ZBTB16: variants seen among roughly 807,000 people sequenced by gnomAD.
The protein encoded by ZBTB16 is zinc finger and BTB domain containing 16.
ZBTB16 carries 8 observed loss-of-function variants against 56.8 expected under a neutral mutation model. That is an observed-to-expected ratio of 0.14 (90% CI 0.08 to 0.25). The LOEUF is 0.25. ZBTB16 is among the 10% of genes least tolerant of loss of function. The probability of loss-of-function intolerance (pLI) is 1.00; values close to 1 mark genes in which losing one functional copy is unlikely to be tolerated. For synonymous variants in ZBTB16, 363 were observed against 368.5 expected, an observed-to-expected ratio of 0.98 and a Z score of 0.17; for missense variants, 625 against 903.0, an observed-to-expected ratio of 0.69 and a Z score of 3.95.
In ZBTB16 at chr11:114,242,738, C is replaced by T. The variant is rs28507359; in HGVS notation, c.1624+401C>T. ...TGCTGGGTCTCTTAACATTGTCTGC[C>T]CTGCCTCCCACCACTCTTGATGCCC... On this transcript the variant is annotated intron_variant, in intron 5 of 6. Coordinates refer to ENST00000335953, the MANE Select transcript of ZBTB16 (RefSeq NM_006006.6). 9.1e-3 allele frequency among the ~76,000 whole-genome samples: 1,385 copies of T among 152,176 alleles called. 14 individuals carry two copies. Among genetic ancestry groups the T allele is most frequent in the African/African-American group, 0.032 (1,309 of 41,510 alleles).
intron 2 of ZBTB16, among the ~76,000 whole-genome samples, chr11:114,090,865 G>A (rs908625529): frequency 6.6e-6 from 1 of 152,108 alleles, no homozygotes; most frequent in Non-Finnish European, 1.5e-5. Flanking sequence ...GTCTTTGTGG[G>A]AAATTTTAAG....
At chr11:114,168,025 C>T (rs1454557475) in intron 3 of ZBTB16, among the ~76,000 whole-genome samples, 4 of 152,224 alleles carry the variant, frequency 2.6e-5, no homozygotes, top group African/African-American at 7.2e-5. Context: ...TATCTATCCC[C>T]TCTTATGGCA....
At chr11:114,151,034 T>A (rs1003883867) in intron 2 of ZBTB16, among the ~76,000 whole-genome samples, 1 of 152,108 alleles carries the variant, frequency 6.6e-6, no homozygotes, top group African/African-American at 2.4e-5. Context: ...GAAGAGAGGA[T>A]CATTTAGGTC....
At chr11:114,207,091 A>G (rs677379) in intron 4 of ZBTB16, among the ~76,000 whole-genome samples, 117,396 of 152,034 alleles carry the variant, frequency 0.77, 45,509 homozygotes, top group East Asian at 0.86. Context: ...CTGCAGCCCA[A>G]GTTTTGGTGC....
At chr11:114,122,768 T>C (rs1941380723) in intron 2 of ZBTB16, among the ~76,000 whole-genome samples, 1 of 152,214 alleles carries the variant, frequency 6.6e-6, no homozygotes, top group Non-Finnish European at 1.5e-5. Flanking sequence ...CAGCTTTCCC[T>C]GTGTGTATCC....
chr11:114,063,215 C>A lies in ZBTB16; in HGVS notation c.-86C>A. On this transcript the variant is annotated 5_prime_UTR_variant, in exon 2 of 7. Transcript: ENST00000335953. This position sits in a 1 kb window ranked among gnomAD's most constrained non-coding sequence, Gnocchi z 6.5. ...TTCCCCTCTTCTTTCTCCTAGCCTC[C>A]TCTATTGGCCCAGGAAGCCCACCCA... 6.8e-7 allele frequency: 1 copy of A among 1,466,540 alleles called. No individual in the cohort carries two copies. The highest frequency in any genetic ancestry group is 9.3e-7 in the Non-Finnish European group (1 of 1,069,582). 90.8% of individuals were successfully genotyped at this position (1,466,540 alleles called of 1,614,324 possible).
intron 4 of ZBTB16, chr11:114,209,986 A>G (rs1260990141): frequency 1.0e-6 from 1 of 983,614 alleles, no homozygotes; most frequent in Non-Finnish European, 1.2e-6. Flanking sequence ...GCAAGACTTC[A>G]GACAAGTTGC....
intron 2 of ZBTB16, among the ~76,000 whole-genome samples, chr11:114,116,296 A>G (rs1941173025): frequency 6.6e-6 from 1 of 152,214 alleles, no homozygotes; most frequent in Non-Finnish European, 1.5e-5. Context: ...ATCCTTGGGT[A>G]TAGAGGCACA....
At chr11:114,189,117 A>C (rs1943432894) in intron 4 of ZBTB16, 1 of 152,236 alleles carries the variant, frequency 6.6e-6, no homozygotes, top group Admixed American at 6.5e-5. Context: ...CTGGTAAAAG[A>C]TTTGGGTTTT....
chr11:114,192,638 G>T (rs1379004440), intron 4 of ZBTB16, among the ~76,000 whole-genome samples: 3 of 152,186 alleles, frequency 2.0e-5, no homozygotes, highest in Non-Finnish European at 4.4e-5. Flanking sequence ...CTTTACAGGT[G>T]AGCTGTCATT....
chr11:114,138,171 C>T (rs183543753), intron 2 of ZBTB16, among the ~76,000 whole-genome samples: 132 of 152,214 alleles, frequency 8.7e-4, no homozygotes, highest in African/African-American at 2.1e-3. Context: ...ATGACAGTTA[C>T]GGGGGTTGCC....
intron 4 of ZBTB16, among the ~76,000 whole-genome samples, chr11:114,219,163 G>A (rs1944172112): frequency 6.6e-6 from 1 of 152,194 alleles, no homozygotes; most frequent in African/African-American, 2.4e-5. Context: ...GACAACAGTA[G>A]GGAGGCATCA....
chr11:114,145,972 A>T (rs1301547118), intron 2 of ZBTB16, among the ~76,000 whole-genome samples: 1 of 152,228 alleles, frequency 6.6e-6, no homozygotes, highest in Non-Finnish European at 1.5e-5. Flanking sequence ...ATTGTGTTAA[A>T]TGTTATAAAG....
intron 4 of ZBTB16, among the ~76,000 whole-genome samples, chr11:114,193,906 A>G (rs1353171178): frequency 6.6e-6 from 1 of 152,202 alleles, no homozygotes; most frequent in Non-Finnish European, 1.5e-5. Flanking sequence ...GGAGGCCTAG[A>G]CACTACCCAC....
At chr11:114,108,348 T>G (rs1313614096) in intron 2 of ZBTB16, among the ~76,000 whole-genome samples, 1 of 152,210 alleles carries the variant, frequency 6.6e-6, no homozygotes, top group Non-Finnish European at 1.5e-5. Flanking sequence ...TTCAGGTCTT[T>G]TTCCTTTCTA....
chr11:114,118,405 G>A (rs1050080533), intron 2 of ZBTB16, among the ~76,000 whole-genome samples: 2 of 152,108 alleles, frequency 1.3e-5, no homozygotes, highest in Admixed American at 6.5e-5. Context: ...TCAAACTCCT[G>A]GCCTCAAGTG....
At chr11:114,239,623 A>G (rs1045239523) in intron 4 of ZBTB16, among the ~76,000 whole-genome samples, 17 of 152,184 alleles carry the variant, frequency 1.1e-4, no homozygotes, top group Non-Finnish European at 2.9e-5. Flanking sequence ...AGCTGAGTAG[A>G]CTACTCAGCA....
chr11:114,117,834 A>G lies in ZBTB16; in HGVS notation c.1269-38503A>G, dbSNP rs556806043. 9.8e-5 allele frequency among the ~76,000 whole-genome samples: 15 copies of G among 152,366 alleles called. 1 individual carries two copies. In the South Asian group the frequency reaches 1.9e-3, roughly 19 times the overall value. Reference sequence around the variant, plus strand: ...ATGAGAAGTATCTTAATTTCCTGGCAGAAAACAGTATTTTTGGAGTCCCTT... The same window carrying G: ...ATGAGAAGTATCTTAATTTCCTGGCGGAAAACAGTATTTTTGGAGTCCCTT... On this transcript the variant is annotated intron_variant, in intron 2 of 6. Transcript: ENST00000335953.
chr11:114,073,146 A>T (rs1939412617), intron 2 of ZBTB16, among the ~76,000 whole-genome samples: 1 of 151,018 alleles, frequency 6.6e-6, no homozygotes, highest in Non-Finnish European at 1.5e-5. Context: ...CAGGGGGCTC[A>T]TGGCTTCACC....
Sources: gnomAD v4.1 joint callset for allele counts (sites outside exome capture counted in the v4.1 genomes callset) on GRCh38, gnomAD v4.1.1 for gene constraint, Gnocchi (gnomAD v3.1) non-coding constraint, MANE v1.5 for transcripts, NCBI Gene and HGNC (gene_info 2026-07-23, HGNC 2026-07-21) for gene names.